The following RBFOX1 variants were observed in gnomAD, a reference collection of about 807,000 sequenced individuals.
RBFOX1 encodes RNA binding protein fox-1 homolog 1.
A neutral mutation model predicts 57.7 loss-of-function variants in RBFOX1; 8 were observed. That is an observed-to-expected ratio of 0.14 (90% CI 0.08 to 0.25). RBFOX1 has a LOEUF of 0.25. Among genes scored for constraint, RBFOX1 ranks in the 10% least tolerant of loss-of-function variants. The probability of loss-of-function intolerance (pLI) is 1.00; values close to 1 mark genes in which losing one functional copy is unlikely to be tolerated. For synonymous variants in RBFOX1, 326 were observed against 222.4 expected (o/e 1.47, Z -4.15); for missense variants, 611 against 548.5 (o/e 1.11, Z -1.14).
chr16:6,567,551 T>G (rs1316605295), intron 2 of RBFOX1, among the ~76,000 whole-genome samples: 3 of 152,188 alleles, frequency 2.0e-5, no homozygotes, highest in African/African-American at 7.2e-5. Flanking sequence ...TATTACTATT[T>G]CATTGTGTTT....
intron 2 of RBFOX1, among the ~76,000 whole-genome samples, chr16:6,357,624 T>TCTCC (rs2087607581): frequency 6.6e-6 from 1 of 152,010 alleles, no homozygotes; most frequent in Non-Finnish European, 1.5e-5. Context: ...TCTCTCTCTC[T>TCTCC]CTGTCTTGCT....
intron 4 of RBFOX1, among the ~76,000 whole-genome samples, chr16:7,068,675 C>T (rs1318524847): frequency 1.3e-5 from 2 of 152,104 alleles, no homozygotes; most frequent in Non-Finnish European, 2.9e-5. Context: ...CAACCTCTGC[C>T]CCTCCGGGTT....
At chr16:6,903,141 C>T (rs150612694) in intron 3 of RBFOX1, among the ~76,000 whole-genome samples, 2 of 152,246 alleles carry the variant, frequency 1.3e-5, no homozygotes, top group Non-Finnish European at 2.9e-5. Flanking sequence ...TAAGTGACTT[C>T]ACTTGTTGAA....
At chr16:5,631,686 C>T (rs12446006) in intron 3 of RBFOX1, among the ~76,000 whole-genome samples, 25,027 of 152,170 alleles carry the variant, frequency 0.16, 2,273 homozygotes, top group East Asian at 0.29. Flanking sequence ...GCTACTTGAT[C>T]ATTGCCTTCC....
chr16:6,962,661 T>G lies in RBFOX1; in HGVS notation c.-15-89396T>G, dbSNP rs191505588. 2.0e-3 allele frequency among the ~76,000 whole-genome samples: 310 copies of G among 152,080 alleles called. 2 individuals are homozygous for G. The highest frequency in any genetic ancestry group is 7.1e-3 in the African/African-American group (294 of 41,496). On this transcript the variant is annotated intron_variant, in intron 3 of 15. Transcript: ENST00000550418. Reference sequence around the variant, plus strand: ...CGGTAGATTGGTTGAACTCAGGAGTTCAAGACCAGCCTGAGCAACACAGTG... The same window carrying G: ...CGGTAGATTGGTTGAACTCAGGAGTGCAAGACCAGCCTGAGCAACACAGTG...
chr16:5,487,737 C>T (rs1373261664), intron 2 of RBFOX1, among the ~76,000 whole-genome samples: 1 of 152,152 alleles, frequency 6.6e-6, no homozygotes, highest in Non-Finnish European at 1.5e-5. Flanking sequence ...AGTTTTGTCA[C>T]ACCTCTGCTT....
intron 4 of RBFOX1, among the ~76,000 whole-genome samples, chr16:7,340,516 A>G (rs2096872193): frequency 6.6e-6 from 1 of 151,958 alleles, no homozygotes; most frequent in South Asian, 2.1e-4. Flanking sequence ...GGATATTCCA[A>G]CTCTTTTTAC....
chr16:6,417,710 A>ATTTTTT (rs1567228178), intron 2 of RBFOX1, among the ~76,000 whole-genome samples: 6 of 121,648 alleles, frequency 4.9e-5, no homozygotes, highest in African/African-American at 1.6e-4. Context: ...TTCTTTTTAA[A>ATTTTTT]AAAAAAAAAA....
At chr16:7,648,197 C>T (rs937186923) in intron 11 of RBFOX1, among the ~76,000 whole-genome samples, 26 of 152,188 alleles carry the variant, frequency 1.7e-4, no homozygotes, top group African/African-American at 5.1e-4. Context: ...GTCCCTAAAC[C>T]AACAATTGAG....
chr16:6,750,792 G>T (rs538485805), intron 3 of RBFOX1, among the ~76,000 whole-genome samples: 6 of 152,184 alleles, frequency 3.9e-5, no homozygotes, highest in African/African-American at 1.4e-4. Context: ...TGGTGGAAGT[G>T]AGAAAAACAT....
In RBFOX1 at chr16:5,685,455, A is replaced by G. The variant is rs181591880; in HGVS notation, c.318+86494A>G. ...AGCCTAATAGGAGCTTGAGTGCCTTACTTGATTTTGACATATTGTCCCAAG... is the reference window on the plus strand; with the variant it reads ...AGCCTAATAGGAGCTTGAGTGCCTTGCTTGATTTTGACATATTGTCCCAAG... On this transcript the variant is annotated intron_variant, in intron 3 of 19. Coordinates refer to the RBFOX1 transcript ENST00000641259. 3.6e-4 allele frequency among the ~76,000 whole-genome samples: 55 copies of G among 152,284 alleles called. 1 individual carries two copies. The highest frequency in any genetic ancestry group is 1.1e-3 in the African/African-American group (46 of 41,554).
chr16:7,100,671 A>G (rs1470365480), intron 4 of RBFOX1, among the ~76,000 whole-genome samples: 2 of 150,922 alleles, frequency 1.3e-5, no homozygotes, highest in Admixed American at 6.6e-5. Flanking sequence ...GATAAATATT[A>G]ATGAAATGAA....
intron 3 of RBFOX1, among the ~76,000 whole-genome samples, chr16:6,800,411 T>A (rs944630516): frequency 6.6e-6 from 1 of 152,118 alleles, no homozygotes; most frequent in Non-Finnish European, 1.5e-5. Context: ...TCTCACTCTT[T>A]AACAGTGATA....
chr16:6,975,308 C>A (rs182646980), intron 3 of RBFOX1, among the ~76,000 whole-genome samples: 2 of 152,020 alleles, frequency 1.3e-5, no homozygotes, highest in Non-Finnish European at 2.9e-5. Flanking sequence ...TTCTGTCACC[C>A]AGGCTGGAGT....
chr16:6,544,755 C>T (rs2096871717), intron 2 of RBFOX1, among the ~76,000 whole-genome samples: 1 of 152,106 alleles, frequency 6.6e-6, no homozygotes, highest in Admixed American at 6.5e-5. Context: ...GAGATGATAA[C>T]ACTCCTCTCT....
At chr16:7,379,808 G>GCCTC (rs911609501) in intron 4 of RBFOX1, among the ~76,000 whole-genome samples, 6 of 150,814 alleles carry the variant, frequency 4.0e-5, no homozygotes, top group Admixed American at 2.6e-4. Flanking sequence ...CTGCCTGCCT[G>GCCTC]CCTCCCTCCC....
At chr16:5,910,147 A>G (rs2058571453) in intron 4 of RBFOX1, among the ~76,000 whole-genome samples, 1 of 152,154 alleles carries the variant, frequency 6.6e-6, no homozygotes, top group Non-Finnish European at 1.5e-5. Context: ...ACTTGATCAC[A>G]TGGGGGTTTG....
intron 2 of RBFOX1, among the ~76,000 whole-genome samples, chr16:6,612,575 G>T (rs1242936290): frequency 6.6e-6 from 1 of 152,116 alleles, no homozygotes; most frequent in African/African-American, 2.4e-5. Flanking sequence ...GTTTGGCCCG[G>T]GTGTAGTTGG....
chr16:6,161,601 C>G (rs541265223), intron 1 of RBFOX1, among the ~76,000 whole-genome samples: 1 of 152,258 alleles, frequency 6.6e-6, no homozygotes, highest in South Asian at 2.1e-4. Context: ...GCATCTGCTT[C>G]CTTCCATGGT....
Sources: allele counts gnomAD v4.1 joint callset (sites outside exome capture counted in the v4.1 genomes callset), GRCh38; gene constraint gnomAD v4.1.1; transcripts MANE v1.5; gene names NCBI Gene and HGNC (gene_info 2026-07-23, HGNC 2026-07-21).